SCN1A: variants seen among roughly 807,000 people sequenced by gnomAD.
SCN1A encodes sodium channel protein type 1 subunit alpha.
A neutral mutation model predicts 193.7 loss-of-function variants in SCN1A; 13 were observed. The ratio of observed to expected loss-of-function variants is 0.07; its 90% confidence interval spans 0.04 to 0.11. SCN1A has a LOEUF of 0.11. Among genes scored for constraint, SCN1A ranks in the 10% least tolerant of loss-of-function variants. SCN1A has a pLI of 1.00. For missense variants in SCN1A, 1,432 were observed against 2,451.1 expected, an observed-to-expected ratio of 0.58 and a Z score of 8.78; for synonymous variants, 781 against 843.6, an observed-to-expected ratio of 0.93 and a Z score of 1.29.
Position 166,013,689 on chromosome 2 carries a change from G to C in SCN1A, c.3705+55C>G, listed in dbSNP as rs76220226. 25,203 of 1,497,026 alleles carry C rather than the reference G, an allele frequency of 0.017. 313 individuals carry two copies. Among genetic ancestry groups the C allele is most frequent in the Non-Finnish European group, 0.018 (19,844 of 1,076,398 alleles). 92.7% of individuals were successfully genotyped at this position (1,497,026 alleles called of 1,614,324 possible). On this transcript the variant is annotated intron_variant, in intron 21 of 28. Transcript: ENST00000674923. ...GAAACAAAGGATTAATAAGTCATCA[G>C]TATTAGAGTGTTCTAAAAATTAGTG...
At chr2:166,083,205 C>T (rs1479324945) in intron 2 of SCN1A, among the ~76,000 whole-genome samples, 2 of 151,898 alleles carry the variant, frequency 1.3e-5, no homozygotes, top group Non-Finnish European at 2.9e-5. Context: ...ATTATAATTA[C>T]AAAAATATTT....
In SCN1A at chr2:166,043,993, G is replaced by A. The variant is rs748767737; in HGVS notation, c.1719C>T (p.Ser573=). 3.7e-6 allele frequency: 6 copies of A among 1,614,162 alleles called. No homozygotes were observed. The South Asian group carries it at 5.5e-5, about 15-fold the overall frequency. ...LFSPRRNSRT[S]LFSFRGRAKD... is the part of the protein sequence containing the mutation. ...TTGCTCGCCCTCTAAAGCTGAAAAG[G>A]CTTGTTCTGCTATTTCGCCTTGGTG... is the stretch of plus-strand genomic sequence containing the variant. Residue 573 remains serine (S), a synonymous_variant, in exon 14 of 29, where the codon AGC becomes AGT. Transcript: ENST00000674923.
chr2:166,025,493 T>C (rs759525264), intron 19 of SCN1A, among the ~76,000 whole-genome samples: 1 of 151,986 alleles, frequency 6.6e-6, no homozygotes, highest in Non-Finnish European at 1.5e-5. Flanking sequence ...TTTAAAGAGT[T>C]TGCCTGATTA....
chr2:166,146,833 G>C (rs1692341790), intron 1 of SCN1A, among the ~76,000 whole-genome samples: 1 of 152,048 alleles, frequency 6.6e-6, no homozygotes, highest in Non-Finnish European at 1.5e-5. Flanking sequence ...ACCTTCTTAT[G>C]GACATATTTA....
intron 19 of SCN1A, among the ~76,000 whole-genome samples, chr2:166,030,645 A>G (rs772869645): frequency 6.6e-6 from 1 of 152,112 alleles, no homozygotes; most frequent in East Asian, 1.9e-4. Flanking sequence ...TAACATTTCT[A>G]TAAGCATCAT....
At chr2:166,147,819 A>T (rs1028155834) in intron 1 of SCN1A, among the ~76,000 whole-genome samples, 1 of 152,222 alleles carries the variant, frequency 6.6e-6, no homozygotes, top group African/African-American at 2.4e-5. Flanking sequence ...TGCTGCTGTT[A>T]ATATGGTTAA....
chr2:166,069,783 T>A (rs187140665), intron 4 of SCN1A, among the ~76,000 whole-genome samples: 7 of 152,302 alleles, frequency 4.6e-5, no homozygotes, highest in Admixed American at 3.9e-4. Flanking sequence ...AAATCACTAG[T>A]CTAACTGCAT....
chr2:166,077,382 T>C (rs1485166834), intron 3 of SCN1A, among the ~76,000 whole-genome samples: 1 of 151,540 alleles, frequency 6.6e-6, no homozygotes, highest in African/African-American at 2.4e-5. Flanking sequence ...ATGAACAATC[T>C]GAATAAAAAA....
chr2:166,143,074 G>A (rs978178913), intron 1 of SCN1A, among the ~76,000 whole-genome samples: 29 of 30,404 alleles, frequency 9.5e-4, no homozygotes, highest in Non-Finnish European at 1.5e-3. Flanking sequence ...TACACTCGTT[G>A]AATATAAAAC....
chr2:166,141,331 G>A (rs6432871), intron 1 of SCN1A, among the ~76,000 whole-genome samples: 122,278 of 151,356 alleles, frequency 0.81, 49,977 homozygotes, highest in African/African-American at 0.94. Context: ...ATCTTCTTTA[G>A]AATTCTTGTG....
chr2:165,992,557 A>AT lies in SCN1A; in HGVS notation c.4853-136dup. 22 of 529,554 alleles carry AT rather than the reference A, an allele frequency of 4.2e-5. No individual in the cohort carries two copies. Among genetic ancestry groups the AT allele is most frequent in the Non-Finnish European group, 6.2e-5 (20 of 323,928 alleles). 32.8% of individuals were successfully genotyped at this position (529,554 alleles called of 1,614,324 possible). A position where few individuals can be genotyped will look rare whatever the true frequency, so the allele number is the denominator to read the frequency against. On this transcript the variant is annotated intron_variant, in intron 28 of 28. Coordinates refer to ENST00000674923, the MANE Select transcript of SCN1A (RefSeq NM_001165963.4). The surrounding 1 kb of genome is among the most constrained non-coding windows in gnomAD (Gnocchi z 6.5). ...ATTAAATATGACAACTATATATAAT[A>AT]TATATATAATTGTACATAATATATT...
intron 19 of SCN1A, among the ~76,000 whole-genome samples, chr2:166,020,335 C>G (rs1047426447): frequency 2.6e-5 from 4 of 152,136 alleles, no homozygotes; most frequent in Admixed American, 2.6e-4. Flanking sequence ...CTACTTTGGG[C>G]ATATATTTTA....
rs752422323 is a variant in SCN1A at position 166,008,910 on chromosome 2, G to T, written c.4002+809C>A. Among the ~76,000 whole-genome samples, 11 of 150,532 alleles carry T rather than the reference G, an allele frequency of 7.3e-5. No homozygotes were observed. The East Asian group carries it at 1.6e-3, about 21-fold the overall frequency. ...TATCTATAAACTAATGCTTCATGCC[G>T]TAAAAAAAGGCATGGAAAATAAGTC... On this transcript the variant is annotated intron_variant, in intron 23 of 28. Coordinates refer to ENST00000674923, the MANE Select transcript of SCN1A (RefSeq NM_001165963.4).
At chr2:165,996,189 A>G in intron 26 of SCN1A, 72 bp from the exon 27 acceptor site, 1 of 893,286 alleles carries the variant, frequency 1.1e-6, no homozygotes, top group South Asian at 1.4e-5. Context: ...TAAAATAGAA[A>G]ATGGATGGCT....
chr2:166,120,436 T>A (rs2106242697), intron 2 of SCN1A, among the ~76,000 whole-genome samples: 1 of 151,430 alleles, frequency 6.6e-6, no homozygotes, highest in South Asian at 2.1e-4. Context: ...TTTAATATAC[T>A]ATTATAACCT....
chr2:166,093,468 A>T (rs1039845688), intron 2 of SCN1A, among the ~76,000 whole-genome samples: 1 of 151,938 alleles, frequency 6.6e-6, no homozygotes, highest in East Asian at 1.9e-4. Flanking sequence ...CCTCCTGAGT[A>T]GCTGGGACTA....
At chr2:166,115,305 G>A (rs966722363) in intron 2 of SCN1A, among the ~76,000 whole-genome samples, 1 of 152,130 alleles carries the variant, frequency 6.6e-6, no homozygotes, top group Non-Finnish European at 1.5e-5. Flanking sequence ...GTTGCAGTGA[G>A]CCGAGATTGC....
At position 166,008,716 on chromosome 2, in the gene SCN1A, A is replaced by G. The variant is rs1691992673; in HGVS notation, c.4002+1003T>C. ...GAGAAGAGAACATAAGGCTATAAACAATCTACAAAGTGCAAATGGAAGTCT... is the reference window on the plus strand; with the variant it reads ...GAGAAGAGAACATAAGGCTATAAACGATCTACAAAGTGCAAATGGAAGTCT... On this transcript the variant is annotated intron_variant, in intron 23 of 28. Coordinates refer to ENST00000674923, the MANE Select transcript of SCN1A (RefSeq NM_001165963.4). Among the ~76,000 whole-genome samples the G allele has an allele frequency of 3.3e-5, 5 of 151,116 alleles. No homozygotes were observed. In the Admixed American group the frequency reaches 3.3e-4, roughly 10 times the overall value.
intron 13 of SCN1A, among the ~76,000 whole-genome samples, chr2:166,044,291 A>AACAC (rs371861954): frequency 1.3e-5 from 2 of 151,032 alleles, no homozygotes; most frequent in Non-Finnish European, 3.0e-5. Flanking sequence ...AACATATTGA[A>AACAC]ACACACACAC....
Sources: gnomAD v4.1 joint callset for allele counts (sites outside exome capture counted in the v4.1 genomes callset) on GRCh38, gnomAD v4.1.1 for gene constraint, Gnocchi (gnomAD v3.1) non-coding constraint, MANE v1.5 for transcripts, NCBI Gene and HGNC (gene_info 2026-07-23, HGNC 2026-07-21) for gene names.